HTT: variants seen among roughly 807,000 people sequenced by gnomAD.
The protein encoded by HTT is huntington disease protein.
In HTT, 104 loss-of-function variants were observed where a neutral mutation model predicts 362.3. That is an observed-to-expected ratio of 0.29 (90% CI 0.24 to 0.34). The LOEUF (loss-of-function observed/expected upper bound fraction) is 0.34. Among genes scored for constraint, HTT ranks in the 10% least tolerant of loss-of-function variants. HTT has a pLI of 1.00. For missense variants in HTT, 3,301 were observed against 3,928.6 expected, an observed-to-expected ratio of 0.84 and a Z score of 4.27; for synonymous variants, 1,577 against 1,548.7, an observed-to-expected ratio of 1.02 and a Z score of -0.43.
At chr4:3,113,690 A>T (rs1714876987) in intron 6 of HTT, among the ~76,000 whole-genome samples, 1 of 152,142 alleles carries the variant, frequency 6.6e-6, no homozygotes, top group Non-Finnish European at 1.5e-5. Context: ...GTCAGAGATG[A>T]TTCTACTTTG....
Position 3,204,055 on chromosome 4 carries a change from A to T in HTT, c.5625A>T (p.Gly1875=). 1 of 1,613,766 alleles carries T rather than the reference A, an allele frequency of 6.2e-7. No homozygotes were observed. Among genetic ancestry groups the T allele is most frequent in the Non-Finnish European group, 8.5e-7 (1 of 1,179,610 alleles). The change falls in exon 42 of 67, where the codon GGA becomes GGT. Residue 1875 remains glycine (G), a synonymous_variant. Transcript: ENST00000355072. ...AGTTACTTAGTCCCCAGATGTCTGG[A>T]GAAGAGGAGGATTCTGACTTGGCAG... ...STKLLSPQMS[G]EEEDSDLAAK... is the part of the protein sequence containing the mutation.
At position 3,238,933 on chromosome 4, in the gene HTT, C is replaced by G; in HGVS notation, c.9170C>G (p.Ser3057Cys). The G allele has an allele frequency of 6.2e-7, 1 of 1,610,682 alleles. No homozygotes were observed. Among genetic ancestry groups the G allele is most frequent in the South Asian group, 1.1e-5 (1 of 90,410 alleles). ...GTCGCCATGGCCACGTGGAGCCTCTCCTGCTTCTTTGTCAGCGCGTCCACC... is the reference window on the plus strand; with the variant it reads ...GTCGCCATGGCCACGTGGAGCCTCTGCTGCTTCTTTGTCAGCGCGTCCACC... ...APVAMATWSL[S>C]CFFVSASTSP... is the part of the protein sequence containing the mutation. The change falls in exon 66 of 67, where the codon TCC becomes TGC. Residue 3057 changes from serine to cysteine, a missense_variant. Physicochemically the swap from Ser to Cys is moderately radical, Grantham distance 112 (BLOSUM62 -1). This residue lies in a region of HTT where 753 missense variants were observed against 1,021.3 expected (regional missense o/e 0.74). Transcript: ENST00000355072.
chr4:3,202,671 A>C (rs919333437), intron 41 of HTT, among the ~76,000 whole-genome samples: 1 of 152,072 alleles, frequency 6.6e-6, no homozygotes. Flanking sequence ...CTAACCACCA[A>C]TCCGTGCTCT....
At chr4:3,232,615 G>A (rs1721311672) in intron 60 of HTT, among the ~76,000 whole-genome samples, 1 of 152,248 alleles carries the variant, frequency 6.6e-6, no homozygotes, top group African/African-American at 2.4e-5. Context: ...CAGCTAAGAT[G>A]TGTTATGGTA....
chr4:3,107,337 G>A lies in HTT; in HGVS notation c.661G>A (p.Glu221Lys), dbSNP rs1484295109. 3 of 1,614,086 alleles carry A rather than the reference G, an allele frequency of 1.9e-6. No homozygotes were observed. The highest frequency in any genetic ancestry group is 2.5e-6 in the Non-Finnish European group (3 of 1,180,030). The change falls in exon 6 of 67, where the codon GAA (glutamate) becomes AAA (lysine). Residue 221 changes from glutamate to lysine, a missense_variant. Physicochemically the swap from Glu to Lys is moderately conservative, Grantham distance 56. Transcript: ENST00000355072. ...CCTGACTCGAACAAGCAAGAGACCC[G>A]AAGAATCAGTCCAGGAGACCTTGGC... is the stretch of plus-strand genomic sequence containing the variant. Reference protein sequence around the residue: ...PCLTRTSKRPEESVQETLAAA... With the variant: ...PCLTRTSKRPKESVQETLAAA...
intron 1 of HTT, among the ~76,000 whole-genome samples, chr4:3,077,914 G>A (rs546503414): frequency 4.6e-5 from 7 of 152,274 alleles, no homozygotes; most frequent in African/African-American, 1.2e-4. Flanking sequence ...TTCTGTTCAC[G>A]TGCTTCAGCC....
At chr4:3,153,391 G>C (rs543125484) in intron 26 of HTT, among the ~76,000 whole-genome samples, 1 of 152,154 alleles carries the variant, frequency 6.6e-6, no homozygotes, top group Non-Finnish European at 1.5e-5. Flanking sequence ...AGCAGAGCTA[G>C]GACCTCAATT....
At chr4:3,186,814 T>C (rs1718780542) in intron 38 of HTT, 95 bp downstream of exon 38, 1 of 1,103,954 alleles carries the variant, frequency 9.1e-7, no homozygotes, top group Non-Finnish European at 1.3e-6. Context: ...TCAGTCAGTT[T>C]GGGTAGGGCT....
chr4:3,104,200 C>T (rs979559011), intron 4 of HTT, among the ~76,000 whole-genome samples: 13 of 151,922 alleles, frequency 8.6e-5, no homozygotes, highest in Admixed American at 5.9e-4. Flanking sequence ...CGGGTTCAAC[C>T]GAACTTTGGG....
At chr4:3,144,597 T>C (rs1055766718) in intron 23 of HTT, among the ~76,000 whole-genome samples, 1 of 152,250 alleles carries the variant, frequency 6.6e-6, no homozygotes, top group African/African-American at 2.4e-5. Context: ...ATTACAGGCG[T>C]GAGCTACTGC....
intron 56 of HTT, 102 bp from the exon 57 acceptor site, chr4:3,225,559 C>A: frequency 1.0e-6 from 1 of 1,004,918 alleles, no homozygotes; most frequent in Non-Finnish European, 1.5e-6. Context: ...GCAGGTGGCT[C>A]ACGGCTGGGT....
chr4:3,229,608 ACAC>A (rs111322713), intron 59 of HTT, among the ~76,000 whole-genome samples: 7 of 150,994 alleles, frequency 4.6e-5, no homozygotes, highest in African/African-American at 1.7e-4. Flanking sequence ...CACCACACAC[ACAC>A]CACTTGCACA....
intron 3 of HTT, among the ~76,000 whole-genome samples, chr4:3,099,930 G>C (rs1423843241): frequency 6.6e-6 from 1 of 152,010 alleles, no homozygotes; most frequent in African/African-American, 2.4e-5. Flanking sequence ...GTATGGTTTG[G>C]AGGTGCTCTT....
intron 5 of HTT, among the ~76,000 whole-genome samples, chr4:3,106,079 A>G (rs549502326): frequency 1.3e-5 from 2 of 152,312 alleles, no homozygotes; most frequent in Middle Eastern, 3.4e-3. Context: ...TTCAATAAGA[A>G]TCTTATATGG....
chr4:3,178,338 G>A lies in HTT; in HGVS notation c.4504G>A (p.Val1502Ile). 1 of 1,610,992 alleles carries A rather than the reference G, an allele frequency of 6.2e-7. No individual in the cohort carries two copies. The highest frequency in any genetic ancestry group is 8.5e-7 in the Non-Finnish European group (1 of 1,177,352). The stretch of plus-strand genomic sequence containing the variant: ...CATTCCAAACATCTTTTTCTTCTTG[G>A]TATTACTATCTTATGAACGCTATCA... Reference protein sequence around the residue: ...AIIPNIFFFLVLLSYERYHSK... With the variant: ...AIIPNIFFFLILLSYERYHSK... Residue 1502 changes from valine to isoleucine, a missense_variant, in exon 35 of 67, where the codon GTA becomes ATA. Coordinates refer to ENST00000355072, the MANE Select transcript of HTT (RefSeq NM_001388492.1).
chr4:3,118,602 G>T (rs897855724), intron 8 of HTT, among the ~76,000 whole-genome samples: 2 of 152,212 alleles, frequency 1.3e-5, no homozygotes, highest in African/African-American at 4.8e-5. Flanking sequence ...GAAAAGGCCT[G>T]CAGGCTTTCT....
intron 40 of HTT, among the ~76,000 whole-genome samples, chr4:3,189,745 C>T (rs1252959598): frequency 2.0e-5 from 3 of 152,158 alleles, no homozygotes; most frequent in Non-Finnish European, 4.4e-5. Context: ...GTTAAGAGGA[C>T]CAGGTGTCAT....
At position 3,218,344 on chromosome 4, in the gene HTT, G is replaced by A. The variant is rs1200626643; in HGVS notation, c.7242+392G>A. ...TGTCTTCAGAATTGGTTTAAAGTAG[G>A]TGTTATTGCCAGGCGCAGTAGCTCA... On this transcript the variant is annotated intron_variant, in intron 52 of 66. Transcript: ENST00000355072. The surrounding 1 kb of genome is among the most constrained non-coding windows in gnomAD (Gnocchi z 4.4). Among the ~76,000 whole-genome samples the A allele has an allele frequency of 1.3e-5, 2 of 152,158 alleles. No individual in the cohort carries two copies. Among genetic ancestry groups the A allele is most frequent in the East Asian group, 3.9e-4 (2 of 5,182 alleles).
At chr4:3,089,548 T>A (rs1003602268) in intron 2 of HTT, among the ~76,000 whole-genome samples, 7 of 152,198 alleles carry the variant, frequency 4.6e-5, no homozygotes, top group Non-Finnish European at 1.0e-4. Flanking sequence ...CCACTGCCCC[T>A]GGCCATCTTT....
Sources: gnomAD v4.1 joint callset for allele counts (sites outside exome capture counted in the v4.1 genomes callset) on GRCh38, gnomAD v4.1.1 for gene constraint, gnomAD v4.1.1 regional missense constraint, Gnocchi (gnomAD v3.1) non-coding constraint, MANE v1.5 for transcripts, NCBI Gene and HGNC (gene_info 2026-07-23, HGNC 2026-07-21) for gene names.